The following ZNRF3 variants were observed in gnomAD, a reference collection of about 807,000 sequenced individuals.
The protein encoded by ZNRF3 is E3 ubiquitin-protein ligase ZNRF3.
A neutral mutation model predicts 72.5 loss-of-function variants in ZNRF3; 23 were observed. That is an observed-to-expected ratio of 0.32 (90% CI 0.23 to 0.45). The LOEUF is 0.45. ZNRF3 is among the 20% of genes least tolerant of loss of function. The probability of loss-of-function intolerance (pLI) is 1.00; values close to 1 mark genes in which losing one functional copy is unlikely to be tolerated. For synonymous variants in ZNRF3, 610 were observed against 545.3 expected (o/e 1.12, Z -1.65); for missense variants, 1,169 against 1,272.1 (o/e 0.92, Z 1.23).
chr22:28,938,572 CTTTTGACGACTT>C (rs2034883931), intron 1 of ZNRF3, among the ~76,000 whole-genome samples: 2 of 152,152 alleles, frequency 1.3e-5, no homozygotes, highest in African/African-American at 4.8e-5. Flanking sequence ...TGAGCAAAAA[CTTTTGACGACTT>C]TCTAGCTGAA....
Position 29,050,461 on chromosome 22 carries a change from C to G in ZNRF3, c.2280C>G (p.Gly760=). The change falls in exon 8 of 9, where the codon GGC becomes GGG. Residue 760 remains glycine, a synonymous_variant. Transcript: ENST00000544604. ...PQSGSSQGLY[G]LHPDHLPRTD... ...CAGGAAGCTCCCAGGGCTTGTACGG[C>G]CTTCACCCCGACCATTTGCCCAGGA... The G allele has an allele frequency of 6.2e-7, 1 of 1,612,436 alleles. No individual in the cohort carries two copies. The highest frequency in any genetic ancestry group is 8.5e-7 in the Non-Finnish European group (1 of 1,179,726).
rs1001160430 is a variant in ZNRF3, at chr22:29,030,505, C to T, written c.427-11990C>T. 9.2e-5 allele frequency among the ~76,000 whole-genome samples: 14 copies of T among 152,318 alleles called. No individual in the cohort carries two copies. The highest frequency in any genetic ancestry group is 3.4e-4 in the African/African-American group (14 of 41,562). On this transcript the variant is annotated intron_variant, in intron 2 of 8. Coordinates refer to ENST00000544604, the MANE Select transcript of ZNRF3 (RefSeq NM_001206998.2). This position sits in a 1 kb window ranked among gnomAD's most constrained non-coding sequence, Gnocchi z 4.2. ...TAGATCAGCATAATCTTAACTAGGACTTAAAATGCATCATCTTCGTTCCGG... is the reference window on the plus strand; with the variant it reads ...TAGATCAGCATAATCTTAACTAGGATTTAAAATGCATCATCTTCGTTCCGG...
At chr22:28,977,502 G>T (rs1453766674) in intron 1 of ZNRF3, among the ~76,000 whole-genome samples, 2 of 152,148 alleles carry the variant, frequency 1.3e-5, no homozygotes, top group African/African-American at 4.8e-5. Flanking sequence ...TAAATTATAA[G>T]TCTTGGTTCT....
At chr22:28,983,157 T>A (rs781365639) in intron 1 of ZNRF3, among the ~76,000 whole-genome samples, 24 of 152,118 alleles carry the variant, frequency 1.6e-4, no homozygotes, top group Non-Finnish European at 2.9e-4. Flanking sequence ...TGTTCAGAAG[T>A]CAATGCCCTT....
chr22:29,024,669 T>C (rs2036595478), intron 2 of ZNRF3, among the ~76,000 whole-genome samples: 1 of 151,912 alleles, frequency 6.6e-6, no homozygotes, highest in Non-Finnish European at 1.5e-5. Flanking sequence ...GGCATATGAT[T>C]GTACCTTCAT....
intron 1 of ZNRF3, among the ~76,000 whole-genome samples, chr22:28,911,613 C>G (rs2034319022): frequency 6.6e-6 from 1 of 152,268 alleles, no homozygotes; most frequent in Admixed American, 6.5e-5. Flanking sequence ...TACCCGTACA[C>G]TTGACCATTC....
chr22:28,993,014 G>A (rs892020945), intron 2 of ZNRF3: 2 of 152,248 alleles, frequency 1.3e-5, no homozygotes, highest in African/African-American at 4.8e-5. Flanking sequence ...TGTTCTTCAA[G>A]GAGCATTGAA....
intron 1 of ZNRF3, among the ~76,000 whole-genome samples, chr22:28,884,963 T>C (rs1386118385): frequency 6.6e-6 from 1 of 152,022 alleles, no homozygotes; most frequent in Non-Finnish European, 1.5e-5. Context: ...ATCAACTTGT[T>C]ACTAGACAGC....
Position 29,050,411 on chromosome 22 carries a change from G to T in ZNRF3, c.2230G>T (p.Gly744Cys), listed in dbSNP as rs1375229246. ...GGGGCCCCACCTCTACGAGGGCTCT[G>T]GCCCGGCGGGTGGGGAGCCCCAGTC... ...FLGPHLYEGS[G>C]PAGGEPQSGS... The change falls in exon 8 of 9, where the codon GGC (glycine) becomes TGC (cysteine). Residue 744 changes from glycine (G) to cysteine (C), a missense_variant. Gly to Cys is a radical substitution (Grantham distance 159). Coordinates refer to ENST00000544604, the MANE Select transcript of ZNRF3 (RefSeq NM_001206998.2). 6.2e-7 allele frequency: 1 copy of T among 1,606,748 alleles called. No homozygotes were observed. The highest frequency in any genetic ancestry group is 8.5e-7 in the Non-Finnish European group (1 of 1,175,984).
chr22:28,943,195 C>G (rs1037264138), intron 1 of ZNRF3, among the ~76,000 whole-genome samples: 5 of 152,074 alleles, frequency 3.3e-5, no homozygotes, highest in Admixed American at 2.6e-4. Flanking sequence ...CTTCTGTCTC[C>G]CCTCCCCCGG....
chr22:28,965,586 T>A (rs1029779549), intron 1 of ZNRF3, among the ~76,000 whole-genome samples: 32 of 152,172 alleles, frequency 2.1e-4, no homozygotes, highest in African/African-American at 7.5e-4. Flanking sequence ...TTTTATCCAG[T>A]CTAAGTGCTG....
intron 2 of ZNRF3, among the ~76,000 whole-genome samples, chr22:29,005,669 G>T (rs2036228651): frequency 6.6e-6 from 1 of 152,148 alleles, no homozygotes; most frequent in African/African-American, 2.4e-5. Context: ...TTGAAATTTG[G>T]CTTTGCTTAT....
intron 1 of ZNRF3, among the ~76,000 whole-genome samples, chr22:28,963,462 A>T (rs2035402419): frequency 6.6e-6 from 1 of 152,032 alleles, no homozygotes. Flanking sequence ...ATCGCAGGAG[A>T]GGGGGGTAGG....
At chr22:29,020,222 G>A (rs999410089) in intron 2 of ZNRF3, among the ~76,000 whole-genome samples, 1 of 141,666 alleles carries the variant, frequency 7.1e-6, no homozygotes, top group Non-Finnish European at 1.5e-5. Flanking sequence ...AGGAAAAAAA[G>A]TCATGTTCAG....
intron 1 of ZNRF3, among the ~76,000 whole-genome samples, chr22:28,945,524 CTA>C (rs918209794): frequency 1.3e-5 from 2 of 149,466 alleles, no homozygotes; most frequent in African/African-American, 4.9e-5. Flanking sequence ...AAACCCGTCT[CTA>C]TTTTTTTTTT....
At chr22:28,939,943 A>G (rs999235356) in intron 1 of ZNRF3, among the ~76,000 whole-genome samples, 4 of 152,182 alleles carry the variant, frequency 2.6e-5, no homozygotes, top group African/African-American at 9.7e-5. Flanking sequence ...AAGATTTTTA[A>G]TGAATTATAT....
At chr22:28,966,460 C>A (rs900267164) in intron 1 of ZNRF3, among the ~76,000 whole-genome samples, 1 of 151,968 alleles carries the variant, frequency 6.6e-6, no homozygotes, top group South Asian at 2.1e-4. Context: ...AGGAGGTATT[C>A]GAGAATAAAG....
intron 1 of ZNRF3, among the ~76,000 whole-genome samples, chr22:28,954,035 C>T (rs1451339000): frequency 2.0e-5 from 3 of 152,114 alleles, no homozygotes; most frequent in Non-Finnish European, 4.4e-5. Context: ...GTATATAAAG[C>T]ACCTAGGACA....
intron 1 of ZNRF3, among the ~76,000 whole-genome samples, chr22:28,916,107 G>A (rs1042762302): frequency 2.8e-4 from 43 of 152,186 alleles, no homozygotes; most frequent in African/African-American, 1.0e-3. Context: ...TGTTGCCCAG[G>A]CCAGAGTACA....
Sources: gnomAD v4.1 joint callset for allele counts (sites outside exome capture counted in the v4.1 genomes callset) on GRCh38, gnomAD v4.1.1 for gene constraint, Gnocchi (gnomAD v3.1) non-coding constraint, MANE v1.5 for transcripts, NCBI Gene and HGNC (gene_info 2026-07-23, HGNC 2026-07-21) for gene names.